Variants in AK9 observed in about 807,000 individuals in gnomAD.
The protein encoded by AK9 is adenylate kinase 9.
In AK9, 191 loss-of-function variants were observed where a neutral mutation model predicts 239.6. The observed-to-expected ratio is 0.80, with a 90% CI of 0.71 to 0.90. AK9 has a LOEUF of 0.90. Among genes scored for constraint, AK9 ranks in the 40% least tolerant of loss-of-function variants. The pLI is 0.00. For missense variants in AK9, 1,995 were observed against 2,214.7 expected (o/e 0.90, Z 1.99); for synonymous variants, 689 against 721.0 (o/e 0.96, Z 0.71).
chr6:109,663,370 CT>C (rs1800705544), intron 5 of AK9, among the ~76,000 whole-genome samples: 1 of 152,140 alleles, frequency 6.6e-6, no homozygotes. Flanking sequence ...TTCTGTACAT[CT>C]TTTCTTGGAA....
chr6:109,588,359 G>A (rs927505170), intron 17 of AK9, among the ~76,000 whole-genome samples: 2 of 151,940 alleles, frequency 1.3e-5, no homozygotes, highest in African/African-American at 2.4e-5. Flanking sequence ...GTGAGCCACC[G>A]CGCCCGGCTG....
intron 20 of AK9, among the ~76,000 whole-genome samples, chr6:109,574,026 G>T (rs1427165367): frequency 2.0e-5 from 3 of 152,008 alleles, no homozygotes; most frequent in East Asian, 1.9e-4. Flanking sequence ...GAATTTTAAA[G>T]ATTTAATATG....
chr6:109,680,976 A>G (rs1020458940), intron 1 of AK9, among the ~76,000 whole-genome samples: 1 of 152,244 alleles, frequency 6.6e-6, no homozygotes, highest in Admixed American at 6.5e-5. Flanking sequence ...AACAACTGGT[A>G]CCAGCCACTG....
At chr6:109,505,128 A>G (rs1291623253) in intron 35 of AK9, among the ~76,000 whole-genome samples, 3 of 152,206 alleles carry the variant, frequency 2.0e-5, no homozygotes, top group Non-Finnish European at 4.4e-5. Flanking sequence ...CAGATTCCCA[A>G]TTTGTAAACA....
chr6:109,578,198 G>A (rs1788371776), intron 20 of AK9, among the ~76,000 whole-genome samples: 1 of 151,922 alleles, frequency 6.6e-6, no homozygotes, highest in Non-Finnish European at 1.5e-5. Context: ...GCCTCCCAAA[G>A]TGCGGGATTA....
intron 27 of AK9, among the ~76,000 whole-genome samples, chr6:109,534,810 A>G (rs1781758795): frequency 6.6e-6 from 1 of 151,702 alleles, no homozygotes; most frequent in Non-Finnish European, 1.5e-5. Flanking sequence ...CTGTGTCCAA[A>G]TGTTCTCATT....
Position 109,619,207 on chromosome 6 carries a change from T to C in AK9, c.1284A>G (p.Pro428=). The C allele has an allele frequency of 1.9e-6, 3 of 1,549,898 alleles. No individual in the cohort carries two copies. The highest frequency in any genetic ancestry group is 8.7e-7 in the Non-Finnish European group (1 of 1,146,220). ...ATGTTTCACGGGCTTTATCAAAACG[T>C]GGCTGAACAAGTTGGGCATAGTCGA... ...KVVDYAQLVQ[P]RFDKARETLV... is the part of the protein sequence containing the mutation. Residue 428 remains proline (P), a synonymous_variant, in exon 13 of 41, where the codon CCA becomes CCG. Transcript: ENST00000424296.
intron 17 of AK9, among the ~76,000 whole-genome samples, chr6:109,599,531 T>A (rs1420982213): frequency 6.6e-6 from 1 of 152,224 alleles, no homozygotes; most frequent in East Asian, 1.9e-4. Flanking sequence ...TTTGCTCCTT[T>A]GGCTTAGGAT....
intron 12 of AK9, among the ~76,000 whole-genome samples, chr6:109,619,911 G>A (rs561126420): frequency 2.6e-5 from 4 of 152,240 alleles, no homozygotes; most frequent in Admixed American, 2.0e-4. Context: ...TCATATAAAT[G>A]AAAGCATACA....
At chr6:109,526,762 T>C (rs924117272) in intron 29 of AK9, among the ~76,000 whole-genome samples, 5 of 152,190 alleles carry the variant, frequency 3.3e-5, no homozygotes, top group Non-Finnish European at 5.9e-5. Flanking sequence ...TACTTGGTTT[T>C]CAGTGCTTTG....
At chr6:109,519,356 T>C (rs976153692) in intron 29 of AK9, among the ~76,000 whole-genome samples, 1 of 152,224 alleles carries the variant, frequency 6.6e-6, no homozygotes, top group Admixed American at 6.5e-5. Flanking sequence ...TTGGGTCGAA[T>C]GGTATTTCTG....
At position 109,528,370 on chromosome 6, in the gene AK9, G is replaced by A. The variant is rs529026462; in HGVS notation, c.3633+641C>T. 48 of 361,160 alleles carry A rather than the reference G, an allele frequency of 1.3e-4. 1 individual carries two copies. The highest frequency in any genetic ancestry group is 1.0e-3 in the South Asian group (48 of 47,736). The allele number at this position is 361,160 out of a possible 1,614,324, so 22.4% of individuals were successfully genotyped here. On this transcript the variant is annotated intron_variant, in intron 29 of 40. Transcript: ENST00000424296. ...ACGATTTCTGTAAGTTTTGCTCATG[G>A]CTGATTTGCCAGTATTTGAAACAGT...
At chr6:109,544,715 C>A (rs1205379233) in intron 26 of AK9, among the ~76,000 whole-genome samples, 2 of 152,168 alleles carry the variant, frequency 1.3e-5, no homozygotes, top group African/African-American at 2.4e-5. Context: ...AAAAATTACC[C>A]AATCTCAGGT....
intron 28 of AK9, among the ~76,000 whole-genome samples, chr6:109,532,988 C>T (rs1047036336): frequency 2.0e-5 from 3 of 152,156 alleles, no homozygotes; most frequent in African/African-American, 7.2e-5. Context: ...TTCCACTTTG[C>T]TCCCATGTCT....
intron 5 of AK9, among the ~76,000 whole-genome samples, chr6:109,664,402 T>C (rs1800872611): frequency 6.6e-6 from 1 of 152,120 alleles, no homozygotes; most frequent in African/African-American, 2.4e-5. Flanking sequence ...AACATGCTCA[T>C]CACAATCTTT....
chr6:109,553,761 G>C (rs904799678), intron 24 of AK9, among the ~76,000 whole-genome samples: 1 of 152,134 alleles, frequency 6.6e-6, no homozygotes, highest in African/African-American at 2.4e-5. Flanking sequence ...GGTGAGAGAA[G>C]GTATCCTTGT....
At chr6:109,679,098 C>T (rs762511775) in intron 1 of AK9, among the ~76,000 whole-genome samples, 5 of 152,108 alleles carry the variant, frequency 3.3e-5, no homozygotes, top group South Asian at 2.1e-4. Context: ...GGAACGCCAG[C>T]GAGACAGAAC....
At position 109,597,146 on chromosome 6, in the gene AK9, G is replaced by C. The variant is rs187609692; in HGVS notation, c.1843-11074C>G. 7.1e-3 allele frequency among the ~76,000 whole-genome samples: 1,080 copies of C among 151,970 alleles called. 9 individuals carry two copies. The highest frequency in any genetic ancestry group is 0.012 in the Non-Finnish European group (825 of 67,990). ...TTTCTTCAGATTAGATTCCTCACAT[G>C]ACTTCAGGTCAAAGGGAATGAAAGA... On this transcript the variant is annotated intron_variant, in intron 17 of 40. Coordinates refer to ENST00000424296, the MANE Select transcript of AK9 (RefSeq NM_001145128.3).
At position 109,543,438 on chromosome 6, in the gene AK9, C is replaced by A. The variant is rs147368183; in HGVS notation, c.3226-1267G>T. ...ATCTAGACTTGTTAAGTTAAAAAAT[C>A]TGGACTGACATACTTTTTTCTTTTT... On this transcript the variant is annotated intron_variant, in intron 26 of 40. Transcript: ENST00000424296. Among the ~76,000 whole-genome samples, 4 of 152,198 alleles carry A rather than the reference C, an allele frequency of 2.6e-5. No homozygotes were observed. In the East Asian group the frequency reaches 7.8e-4, roughly 30 times the overall value.
Sources: gnomAD v4.1 joint callset for allele counts (sites outside exome capture counted in the v4.1 genomes callset) on GRCh38, gnomAD v4.1.1 for gene constraint, MANE v1.5 for transcripts, NCBI Gene and HGNC (gene_info 2026-07-23, HGNC 2026-07-21) for gene names.